CCDC138: variants seen among roughly 807,000 people sequenced by gnomAD.
CCDC138 encodes coiled-coil domain containing 138.
CCDC138 carries 66 observed loss-of-function variants against 82.3 expected under a neutral mutation model. That is an observed-to-expected ratio of 0.80 (90% confidence interval 0.66 to 0.98). The LOEUF (loss-of-function observed/expected upper bound fraction) is 0.98, where lower values mean the gene tolerates loss of function less well. CCDC138 is among the 50% of genes least tolerant of loss of function. CCDC138 has a pLI of 0.00. For synonymous variants in CCDC138, 297 were observed against 265.4 expected, an observed-to-expected ratio of 1.12 and a Z score of -1.16; for missense variants, 816 against 758.9, an observed-to-expected ratio of 1.08 and a Z score of -0.88.
chr2:108,875,695 A>G (rs1470530210), intron 14 of CCDC138, among the ~76,000 whole-genome samples: 1 of 152,008 alleles, frequency 6.6e-6, no homozygotes, highest in Non-Finnish European at 1.5e-5. Flanking sequence ...CTGTCTCTAC[A>G]AAAAATAAAC....
chr2:108,793,905 C>T (rs1680393798), intron 4 of CCDC138, among the ~76,000 whole-genome samples: 1 of 152,006 alleles, frequency 6.6e-6, no homozygotes, highest in Non-Finnish European at 1.5e-5. Flanking sequence ...CCCTGCCACC[C>T]TCAGGAAACT....
intron 10 of CCDC138, among the ~76,000 whole-genome samples, chr2:108,834,327 C>T (rs375339055): frequency 1.3e-5 from 2 of 151,818 alleles, no homozygotes; most frequent in African/African-American, 4.8e-5. Flanking sequence ...ATTCTCTTGC[C>T]TCAGCCTCCC....
At chr2:108,818,204 GC>G (rs972598956) in intron 10 of CCDC138, among the ~76,000 whole-genome samples, 8 of 152,124 alleles carry the variant, frequency 5.3e-5, no homozygotes, top group Admixed American at 2.6e-4. Context: ...TCCCTGGGAG[GC>G]TGAGGTGGTA....
chr2:108,856,420 TAGAA>T (rs1248149451), intron 12 of CCDC138, among the ~76,000 whole-genome samples: 1 of 152,238 alleles, frequency 6.6e-6, no homozygotes, highest in East Asian at 1.9e-4. Flanking sequence ...AACATAATCT[TAGAA>T]AGCTATTATA....
chr2:108,852,285 C>G (rs1372542693), intron 12 of CCDC138, among the ~76,000 whole-genome samples: 1 of 152,164 alleles, frequency 6.6e-6, no homozygotes, highest in Non-Finnish European at 1.5e-5. Context: ...AAGAAAGGAA[C>G]ACTTGTACAC....
chr2:108,838,449 T>C (rs1276494766), intron 10 of CCDC138, among the ~76,000 whole-genome samples: 1 of 152,214 alleles, frequency 6.6e-6, no homozygotes, highest in Non-Finnish European at 1.5e-5. Context: ...TTTACTCTTA[T>C]AAACAGTGTA....
chr2:108,805,056 A>G (rs1439960907), intron 7 of CCDC138, 48 bp downstream of exon 7: 3 of 1,026,526 alleles, frequency 2.9e-6, no homozygotes, highest in African/African-American at 1.7e-5. Flanking sequence ...TCTAAGAAGT[A>G]TATTTTATAT....
chr2:108,787,609 T>A (rs1451265112), intron 1 of CCDC138, among the ~76,000 whole-genome samples: 2 of 152,226 alleles, frequency 1.3e-5, no homozygotes, highest in South Asian at 4.1e-4. Flanking sequence ...AATTTTTTCC[T>A]AGTGCAGATC....
intron 12 of CCDC138, among the ~76,000 whole-genome samples, chr2:108,850,219 A>T (rs921666104): frequency 4.6e-5 from 7 of 152,336 alleles, no homozygotes; most frequent in South Asian, 2.1e-4. Context: ...TCTAGTAAGA[A>T]GATGTTTCCT....
rs11458525 is a variant in CCDC138, at chr2:108,795,150, A to ATTTTTTT, written c.576+445_576+451dup. 6.1e-3 allele frequency among the ~76,000 whole-genome samples: 519 copies of ATTTTTTT among 84,998 alleles called. 7 individuals carry two copies. The highest frequency in any genetic ancestry group is 7.7e-3 in the East Asian group (21 of 2,718). The allele number at this position is 84,998 out of a possible 152,430, so 55.8% of individuals were successfully genotyped here. A position where few individuals can be genotyped will look rare whatever the true frequency, so the allele number is the denominator to read the frequency against. ...TTCGGGTTTTTTGTTTCTAAAGTGT[A>ATTTTTTT]TTTTTTTTTTTTTTTTTTTTTTGCG... is the stretch of plus-strand genomic sequence containing the variant. On this transcript the variant is annotated intron_variant, in intron 5 of 14. Coordinates refer to ENST00000295124, the MANE Select transcript of CCDC138 (RefSeq NM_144978.3).
chr2:108,826,694 A>G (rs1167865581), intron 10 of CCDC138, among the ~76,000 whole-genome samples: 2 of 152,178 alleles, frequency 1.3e-5, no homozygotes, highest in East Asian at 3.9e-4. Context: ...TGAATCTTCC[A>G]ACTTTGTCCT....
At chr2:108,827,487 C>G (rs1686809767) in intron 10 of CCDC138, among the ~76,000 whole-genome samples, 1 of 152,126 alleles carries the variant, frequency 6.6e-6, no homozygotes, top group African/African-American at 2.4e-5. Context: ...ATTATGACAT[C>G]AGTTCTTACT....
At chr2:108,810,862 C>T (rs1363450095) in intron 7 of CCDC138, among the ~76,000 whole-genome samples, 2 of 152,150 alleles carry the variant, frequency 1.3e-5, no homozygotes, top group South Asian at 2.1e-4. Context: ...AATCTTGTTA[C>T]TTATGATTGG....
chr2:108,850,768 A>G (rs1691340117), intron 12 of CCDC138, among the ~76,000 whole-genome samples: 1 of 152,084 alleles, frequency 6.6e-6, no homozygotes, highest in South Asian at 2.1e-4. Context: ...GAGTTTTGAC[A>G]CCACAGTGCT....
chr2:108,830,000 AAAG>A (rs145852339), intron 10 of CCDC138, among the ~76,000 whole-genome samples: 9,532 of 152,178 alleles, frequency 0.063, 967 homozygotes, highest in African/African-American at 0.21. Flanking sequence ...TATATAATAA[AAAG>A]AAGGTGGACA....
At chr2:108,817,794 G>A (rs926233323) in intron 10 of CCDC138, among the ~76,000 whole-genome samples, 12 of 152,152 alleles carry the variant, frequency 7.9e-5, no homozygotes, top group Admixed American at 3.3e-4. Context: ...TTAGACTTCT[G>A]AACCTACAGA....
intron 13 of CCDC138, 40 bp from the exon 14 acceptor site, chr2:108,873,411 C>A: frequency 7.0e-7 from 1 of 1,433,534 alleles, no homozygotes; most frequent in Non-Finnish European, 9.2e-7. Context: ...TCCTTTTTCG[C>A]TACTCCCTAA....
intron 10 of CCDC138, among the ~76,000 whole-genome samples, chr2:108,822,268 ATATT>A (rs563054988): frequency 1.3e-5 from 2 of 152,206 alleles, no homozygotes; most frequent in Non-Finnish European, 2.9e-5. Context: ...TAAATGAGAA[ATATT>A]TATGCCCTGA....
At chr2:108,836,582 G>A (rs922556802) in intron 10 of CCDC138, among the ~76,000 whole-genome samples, 4 of 152,114 alleles carry the variant, frequency 2.6e-5, no homozygotes, top group African/African-American at 9.7e-5. Context: ...TTGCTTTACT[G>A]TTCACCATAG....
Sources: gnomAD v4.1 joint callset for allele counts (sites outside exome capture counted in the v4.1 genomes callset) on GRCh38, gnomAD v4.1.1 for gene constraint, MANE v1.5 for transcripts, NCBI Gene and HGNC (gene_info 2026-07-23, HGNC 2026-07-21) for gene names.